FCHO2: variants seen among roughly 807,000 people sequenced by gnomAD.
The protein encoded by FCHO2 is FCH and mu domain containing endocytic adaptor 2.
FCHO2 carries 43 observed loss-of-function variants against 114.1 expected under a neutral mutation model. That is an observed-to-expected ratio of 0.38 (90% CI 0.30 to 0.49). The LOEUF (loss-of-function observed/expected upper bound fraction) is 0.49, where lower values mean the gene tolerates loss of function less well. Ranked by LOEUF, FCHO2 falls within the 20% of genes least tolerant of loss-of-function variation. FCHO2 has a pLI of 0.97. For missense variants in FCHO2, 807 were observed against 950.4 expected (o/e 0.85, Z 1.98); for synonymous variants, 293 against 315.2 (o/e 0.93, Z 0.75).
intron 9 of FCHO2, among the ~76,000 whole-genome samples, chr5:73,035,943 G>C (rs1317400875): frequency 6.6e-6 from 1 of 151,976 alleles, no homozygotes; most frequent in African/African-American, 2.4e-5. Flanking sequence ...TTCTGGTTCG[G>C]ATGATTCTCC....
intron 8 of FCHO2, chr5:73,034,331 T>C: frequency 8.5e-6 from 2 of 235,736 alleles, no homozygotes; most frequent in South Asian, 1.2e-4. Context: ...TTTCCTCTCA[T>C]TAACAGTACT....
intron 2 of FCHO2, among the ~76,000 whole-genome samples, chr5:72,983,178 T>C (rs1753319032): frequency 6.6e-6 from 1 of 152,152 alleles, no homozygotes; most frequent in Non-Finnish European, 1.5e-5. Flanking sequence ...CCTCCCAAAG[T>C]GCTGGGATTA....
intron 1 of FCHO2, among the ~76,000 whole-genome samples, chr5:72,958,018 CT>C (rs1465025038): frequency 1.3e-5 from 2 of 148,240 alleles, no homozygotes; most frequent in African/African-American, 2.5e-5. Flanking sequence ...ATTGGGTTGT[CT>C]TTTTTTATAA....
intron 2 of FCHO2, among the ~76,000 whole-genome samples, chr5:72,980,639 G>A (rs1344627986): frequency 1.3e-5 from 2 of 152,090 alleles, no homozygotes; most frequent in East Asian, 3.9e-4. Context: ...CCTGTATTAG[G>A]TGCATATATA....
chr5:73,082,082 T>A lies in FCHO2; in HGVS notation c.2180+100T>A, dbSNP rs950811978. 3 of 1,078,890 alleles carry A rather than the reference T, an allele frequency of 2.8e-6. No homozygotes were observed. In the African/African-American group the frequency reaches 4.8e-5, roughly 17 times the overall value. 66.8% of individuals were successfully genotyped at this position (1,078,890 alleles called of 1,614,324 possible). ...TAAGTTTTCTTAGAAGTTTGAAAAA[T>A]TTTTGTGCCTTTTTCCATAGAAACC... On this transcript the variant is annotated intron_variant, in intron 23 of 25. Transcript: ENST00000430046.
intron 6 of FCHO2, among the ~76,000 whole-genome samples, chr5:73,013,236 C>T (rs986026880): frequency 1.6e-4 from 25 of 151,622 alleles, no homozygotes; most frequent in African/African-American, 2.9e-4. Flanking sequence ...GCAATACTGC[C>T]GAAACTGTAA....
At position 72,964,941 on chromosome 5, in the gene FCHO2, T is replaced by G. The variant is rs1357742294; in HGVS notation, c.34-3557T>G. Among the ~76,000 whole-genome samples, 8 of 152,008 alleles carry G rather than the reference T, an allele frequency of 5.3e-5. No homozygotes were observed. In the South Asian group the frequency reaches 1.7e-3, roughly 32 times the overall value. ...GTATGCGAATCATCCCTTTGTCCAG[T>G]GCATCCATAGTATATACCCTTCCTG... On this transcript the variant is annotated intron_variant, in intron 1 of 25. Transcript: ENST00000430046.
intron 2 of FCHO2, among the ~76,000 whole-genome samples, chr5:72,974,632 A>G (rs892729053): frequency 3.3e-5 from 5 of 151,954 alleles, no homozygotes; most frequent in African/African-American, 1.2e-4. Flanking sequence ...AATACAGCAC[A>G]CTGATGGGTC....
chr5:73,079,306 T>C, intron 22 of FCHO2, among the ~76,000 whole-genome samples: 1 of 152,156 alleles, frequency 6.6e-6, no homozygotes, highest in East Asian at 1.9e-4. Flanking sequence ...GTTTTAGCTT[T>C]AATGGGAAAG....
At position 73,077,479 on chromosome 5, in the gene FCHO2, A is replaced by G. The variant is rs765274951; in HGVS notation, c.1833A>G (p.Ala611=). Residue 611 remains alanine (A), a synonymous_variant, in exon 21 of 26, where the codon GCA becomes GCG. Coordinates refer to ENST00000430046, the MANE Select transcript of FCHO2 (RefSeq NM_138782.3). ...ISRLEQILPN[A]QLVFSDPSQC... is the part of the protein sequence containing the mutation. ...GACTAGAGCAGATTCTTCCAAATGCACAGCTTGTGTTCAGGTTTGTGTACT... is the reference window on the plus strand; with the variant it reads ...GACTAGAGCAGATTCTTCCAAATGCGCAGCTTGTGTTCAGGTTTGTGTACT... 1 of 1,599,288 alleles carries G rather than the reference A, an allele frequency of 6.3e-7. No individual in the cohort carries two copies. Among genetic ancestry groups the G allele is most frequent in the Non-Finnish European group, 8.5e-7 (1 of 1,172,854 alleles).
chr5:73,083,217 C>G (rs574009356), intron 24 of FCHO2, among the ~76,000 whole-genome samples: 6 of 152,100 alleles, frequency 3.9e-5, no homozygotes, highest in African/African-American at 1.4e-4. Context: ...ACTGCAATAC[C>G]TTTTTTAAGG....
At chr5:72,972,692 T>C (rs1752625926) in intron 2 of FCHO2, among the ~76,000 whole-genome samples, 1 of 152,186 alleles carries the variant, frequency 6.6e-6, no homozygotes, top group South Asian at 2.1e-4. Context: ...ATGCCCTTTA[T>C]TTCCTTCTCC....
chr5:73,074,146 C>G (rs544923554), intron 19 of FCHO2, among the ~76,000 whole-genome samples: 1 of 150,068 alleles, frequency 6.7e-6, no homozygotes, highest in African/African-American at 2.4e-5. Flanking sequence ...TGATTTGACT[C>G]TAAAAGGTGT....
chr5:73,001,667 G>A (rs1316129459), intron 5 of FCHO2, among the ~76,000 whole-genome samples: 1 of 151,890 alleles, frequency 6.6e-6, no homozygotes, highest in African/African-American at 2.4e-5. Flanking sequence ...GAGCTAGGCT[G>A]GGCATGGTGG....
chr5:73,054,867 A>T (rs1264343623), intron 15 of FCHO2, among the ~76,000 whole-genome samples: 2 of 152,190 alleles, frequency 1.3e-5, no homozygotes, highest in Non-Finnish European at 2.9e-5. Flanking sequence ...AGCGTTTATA[A>T]GATGAGTAAT....
chr5:73,071,516 C>G (rs185132580), intron 19 of FCHO2, among the ~76,000 whole-genome samples: 287 of 152,002 alleles, frequency 1.9e-3, no homozygotes, highest in African/African-American at 6.0e-3. Context: ...TGTTACATAC[C>G]TCAAGTTTAT....
intron 11 of FCHO2, among the ~76,000 whole-genome samples, chr5:73,042,719 T>G (rs1227978741): frequency 6.6e-6 from 1 of 152,184 alleles, no homozygotes; most frequent in African/African-American, 2.4e-5. Flanking sequence ...ATTGCTTTCA[T>G]TTATAAAGTT....
chr5:73,009,087 A>G (rs1754862866), intron 6 of FCHO2, among the ~76,000 whole-genome samples: 2 of 152,250 alleles, frequency 1.3e-5, no homozygotes, highest in African/African-American at 2.4e-5. Context: ...CAAAGAAGAA[A>G]GAAGAAAACT....
chr5:73,056,697 C>T (rs895174684), intron 16 of FCHO2, among the ~76,000 whole-genome samples: 3 of 151,954 alleles, frequency 2.0e-5, no homozygotes, highest in Non-Finnish European at 4.4e-5. Flanking sequence ...ATGATGAAAC[C>T]CTAAATTCAT....
Sources: allele counts gnomAD v4.1 joint callset (sites outside exome capture counted in the v4.1 genomes callset), GRCh38; gene constraint gnomAD v4.1.1; transcripts MANE v1.5; gene names NCBI Gene and HGNC (gene_info 2026-07-23, HGNC 2026-07-21).